The following EYS variants were observed in gnomAD, a reference collection of about 807,000 sequenced individuals.
The protein encoded by EYS is protein eyes shut homolog.
A neutral mutation model predicts 282.1 loss-of-function variants in EYS; 250 were observed. The ratio of observed to expected loss-of-function variants is 0.89; its 90% CI spans 0.80 to 0.98. The LOEUF is 0.98. EYS is among the 50% of genes least tolerant of loss of function. EYS has a pLI of 0.00. For synonymous variants in EYS, 1,355 were observed against 1,282.9 expected (o/e 1.06, Z -1.20); for missense variants, 4,016 against 3,709.0 (o/e 1.08, Z -2.15).
At chr6:65,326,685 A>G (rs1206621340) in intron 11 of EYS, among the ~76,000 whole-genome samples, 1 of 151,648 alleles carries the variant, frequency 6.6e-6, no homozygotes, top group African/African-American at 2.4e-5. Flanking sequence ...CTACCCAAGA[A>G]CATGCTATGC....
At chr6:63,846,662 G>C (rs1164224036) in intron 36 of EYS, among the ~76,000 whole-genome samples, 1 of 152,152 alleles carries the variant, frequency 6.6e-6, no homozygotes, top group Non-Finnish European at 1.5e-5. Context: ...TACTTTCAAA[G>C]AGCTGTGTTA....
intron 28 of EYS, among the ~76,000 whole-genome samples, chr6:64,402,562 G>A (rs1001077006): frequency 6.6e-6 from 1 of 152,124 alleles, no homozygotes; most frequent in Non-Finnish European, 1.5e-5. Flanking sequence ...ATTGCTTCTG[G>A]TCTTTATGTT....
intron 33 of EYS, among the ~76,000 whole-genome samples, chr6:64,008,072 G>A (rs947498691): frequency 6.6e-6 from 1 of 152,058 alleles, no homozygotes; most frequent in South Asian, 2.1e-4. Flanking sequence ...TACTCTCAGT[G>A]GGGTGTTTAA....
At chr6:65,182,392 T>G (rs1036192844) in intron 12 of EYS, among the ~76,000 whole-genome samples, 8 of 151,586 alleles carry the variant, frequency 5.3e-5, no homozygotes, top group African/African-American at 1.9e-4. Context: ...AAGTTTTGTT[T>G]TTTTAATTCT....
intron 14 of EYS, among the ~76,000 whole-genome samples, chr6:64,973,180 A>C (rs1238833458): frequency 6.6e-6 from 1 of 152,052 alleles, no homozygotes; most frequent in East Asian, 1.9e-4. Context: ...TCTTTGACAA[A>C]ATAATACACC....
At chr6:65,661,367 T>C (rs999995734) in intron 1 of EYS, among the ~76,000 whole-genome samples, 2 of 152,012 alleles carry the variant, frequency 1.3e-5, no homozygotes, top group African/African-American at 4.8e-5. Flanking sequence ...TGACCATTAT[T>C]ATACATATCT....
chr6:64,883,115 A>T (rs1182090961), intron 19 of EYS, among the ~76,000 whole-genome samples: 2 of 146,582 alleles, frequency 1.4e-5, no homozygotes, highest in African/African-American at 5.0e-5. Context: ...AATTGTCCAT[A>T]TTTTCCCAAA....
intron 12 of EYS, among the ~76,000 whole-genome samples, chr6:65,167,036 T>C (rs756261510): frequency 6.6e-6 from 1 of 151,246 alleles, no homozygotes; most frequent in Non-Finnish European, 1.5e-5. Context: ...TAAAAAAAGA[T>C]GTAACAACTG....
chr6:64,972,787 G>A (rs775502119), intron 14 of EYS, among the ~76,000 whole-genome samples: 1 of 152,040 alleles, frequency 6.6e-6, no homozygotes, highest in Non-Finnish European at 1.5e-5. Flanking sequence ...TATTTCAGGG[G>A]TTGGTGCCCC....
At chr6:64,518,476 A>G (rs1459105287) in intron 26 of EYS, among the ~76,000 whole-genome samples, 1 of 151,800 alleles carries the variant, frequency 6.6e-6, no homozygotes, top group East Asian at 1.9e-4. Flanking sequence ...TGTACTGCTG[A>G]AGAACTCTCT....
chr6:65,427,785 G>A (rs1582277588), intron 5 of EYS, among the ~76,000 whole-genome samples: 1 of 151,938 alleles, frequency 6.6e-6, no homozygotes, highest in East Asian at 1.9e-4. Context: ...AATCAAAATA[G>A]TATAAAATGC....
At chr6:65,230,240 C>T (rs1481415176) in intron 12 of EYS, among the ~76,000 whole-genome samples, 1 of 151,958 alleles carries the variant, frequency 6.6e-6, no homozygotes, top group African/African-American at 2.4e-5. Context: ...TTTTTACTTT[C>T]ATGTGATTTT....
intron 29 of EYS, among the ~76,000 whole-genome samples, chr6:64,323,840 T>A (rs1292782653): frequency 6.6e-6 from 1 of 152,072 alleles, no homozygotes; most frequent in East Asian, 1.9e-4. Context: ...TCCATCCAGA[T>A]CTCCCTCTAG....
chr6:64,677,866 T>C (rs1006862645), intron 22 of EYS, among the ~76,000 whole-genome samples: 3 of 151,862 alleles, frequency 2.0e-5, no homozygotes, highest in South Asian at 2.1e-4. Flanking sequence ...CTTTAATTAC[T>C]AATGCTAAGA....
At chr6:64,514,011 C>A (rs902721407) in intron 26 of EYS, among the ~76,000 whole-genome samples, 4 of 151,610 alleles carry the variant, frequency 2.6e-5, no homozygotes. Flanking sequence ...AGGAGGGGGT[C>A]AATAATGTAG....
At chr6:64,560,682 G>T (rs923696590) in intron 26 of EYS, among the ~76,000 whole-genome samples, 1 of 151,948 alleles carries the variant, frequency 6.6e-6, no homozygotes, top group Non-Finnish European at 1.5e-5. Flanking sequence ...TGTATTTACC[G>T]ATAATAAAAA....
intron 15 of EYS, among the ~76,000 whole-genome samples, chr6:64,920,381 C>T (rs1283356886): frequency 6.6e-6 from 1 of 152,048 alleles, no homozygotes; most frequent in East Asian, 1.9e-4. Context: ...GAACATAAAC[C>T]TAGTTTAAGT....
chr6:64,887,796 C>T (rs1767146086), intron 18 of EYS, among the ~76,000 whole-genome samples: 1 of 152,014 alleles, frequency 6.6e-6, no homozygotes, highest in Non-Finnish European at 1.5e-5. Flanking sequence ...GACAGGAATA[C>T]AGATATGTAA....
chr6:64,131,542 C>G lies in EYS; in HGVS notation c.6425-49540G>C, dbSNP rs1249038233. Among the ~76,000 whole-genome samples, 4 of 151,898 alleles carry G rather than the reference C, an allele frequency of 2.6e-5. No individual in the cohort carries two copies. In the East Asian group the frequency reaches 7.7e-4, roughly 29 times the overall value. On this transcript the variant is annotated intron_variant, in intron 31 of 42. Coordinates refer to ENST00000503581, the MANE Select transcript of EYS (RefSeq NM_001142800.2). ...ACCATGTGACTTGTGTGTGGGGGAG[C>G]AGTGCGGGGAGTACAGTATGTGTGT...
Sources: gnomAD v4.1 joint callset for allele counts (sites outside exome capture counted in the v4.1 genomes callset) on GRCh38, gnomAD v4.1.1 for gene constraint, MANE v1.5 for transcripts, NCBI Gene and HGNC (gene_info 2026-07-23, HGNC 2026-07-21) for gene names.